The following GRM7 variants were observed in gnomAD, a reference collection of about 807,000 sequenced individuals.
GRM7 encodes metabotropic glutamate receptor 7.
A neutral mutation model predicts 84.5 loss-of-function variants in GRM7; 35 were observed. The observed-to-expected ratio is 0.41, with a 90% CI of 0.32 to 0.55. The LOEUF (loss-of-function observed/expected upper bound fraction) is 0.55. Among genes scored for constraint, GRM7 ranks in the 20% least tolerant of loss-of-function variants. GRM7 has a pLI of 0.19. For missense variants in GRM7, 1,003 were observed against 1,194.6 expected (o/e 0.84, Z 2.36); for synonymous variants, 487 against 455.1 (o/e 1.07, Z -0.89).
intron 4 of GRM7, among the ~76,000 whole-genome samples, chr3:7,409,448 G>T (rs893556462): frequency 6.6e-6 from 1 of 151,148 alleles, no homozygotes; most frequent in Non-Finnish European, 1.5e-5. Flanking sequence ...GGGGGTGGGG[G>T]GTAGCTATTT....
chr3:7,566,103 GTTTTTTTTTTTTTTT>G (rs58178956), intron 7 of GRM7, among the ~76,000 whole-genome samples: 9 of 129,984 alleles, frequency 6.9e-5, no homozygotes, highest in African/African-American at 1.8e-4. Context: ...TGAATCAGCT[GTTTTTTTTTTTTTTT>G]TTTTTTTTTT....
In GRM7 at chr3:7,461,571, T is replaced by C; in HGVS notation, c.1376-12T>C. 6.2e-7 allele frequency: 1 copy of C among 1,606,704 alleles called. No individual in the cohort carries two copies. The highest frequency in any genetic ancestry group is 8.5e-7 in the Non-Finnish European group (1 of 1,173,452). The stretch of plus-strand genomic sequence containing the variant: ...TAACTTTAGAATCTTTCATTTTTTC[T>C]GTCTTCCTTAGGTAGTGCTGGCACT... On this transcript the variant is annotated splice_polypyrimidine_tract_variant and intron_variant, in intron 6 of 9. Coordinates refer to ENST00000357716, the MANE Select transcript of GRM7 (RefSeq NM_000844.4).
chr3:7,602,794 A>C (rs921138591), intron 8 of GRM7, among the ~76,000 whole-genome samples: 1 of 152,158 alleles, frequency 6.6e-6, no homozygotes, highest in Non-Finnish European at 1.5e-5. Flanking sequence ...GAAGCTTGCA[A>C]GTTTTGTGCT....
chr3:6,979,478 A>C (rs1694116342), intron 1 of GRM7, among the ~76,000 whole-genome samples: 1 of 152,180 alleles, frequency 6.6e-6, no homozygotes, highest in Admixed American at 6.5e-5. Flanking sequence ...GACTCATGGC[A>C]ATCATAGTAA....
intron 4 of GRM7, among the ~76,000 whole-genome samples, chr3:7,316,424 C>A (rs544149342): frequency 6.6e-6 from 1 of 151,856 alleles, no homozygotes; most frequent in South Asian, 2.1e-4. Flanking sequence ...CCCCCCAAAA[C>A]AAAGAAACAA....
At chr3:7,675,158 T>C (rs1205983063) in intron 8 of GRM7, among the ~76,000 whole-genome samples, 2 of 152,246 alleles carry the variant, frequency 1.3e-5, no homozygotes, top group Non-Finnish European at 2.9e-5. Flanking sequence ...AGATGATTTC[T>C]CAAAAATGTG....
chr3:7,132,172 G>A (rs763019686), intron 1 of GRM7, among the ~76,000 whole-genome samples: 3 of 152,146 alleles, frequency 2.0e-5, no homozygotes, highest in Middle Eastern at 3.4e-3. Context: ...TATGTAGACT[G>A]GTGCCCCCCC....
intron 8 of GRM7, among the ~76,000 whole-genome samples, chr3:7,667,063 T>C (rs942046406): frequency 1.3e-5 from 2 of 151,910 alleles, no homozygotes; most frequent in Non-Finnish European, 2.9e-5. Context: ...CATCAGAGTT[T>C]GAAGTCATCT....
At chr3:7,536,557 C>T (rs1345983575) in intron 7 of GRM7, among the ~76,000 whole-genome samples, 1 of 152,184 alleles carries the variant, frequency 6.6e-6, no homozygotes, top group South Asian at 2.1e-4. Flanking sequence ...GTGCAACCAA[C>T]AGAATATGGC....
chr3:7,184,537 C>A (rs973244253), intron 2 of GRM7, among the ~76,000 whole-genome samples: 4 of 151,910 alleles, frequency 2.6e-5, no homozygotes, highest in African/African-American at 9.7e-5. Flanking sequence ...AGATATAATT[C>A]TTTTCTGTTC....
intron 1 of GRM7, among the ~76,000 whole-genome samples, chr3:6,964,450 C>T (rs141403531): frequency 0.011 from 1,705 of 152,172 alleles, 35 homozygotes; most frequent in African/African-American, 0.038. Flanking sequence ...ACAGTAAGTC[C>T]GTAACATCCC....
intron 2 of GRM7, among the ~76,000 whole-genome samples, chr3:7,174,460 T>G (rs1695080776): frequency 6.6e-6 from 1 of 152,244 alleles, no homozygotes; most frequent in Non-Finnish European, 1.5e-5. Flanking sequence ...CATCTTTAAT[T>G]GCTGTTTGTC....
intron 1 of GRM7, among the ~76,000 whole-genome samples, chr3:6,981,587 G>A (rs567121710): frequency 5.9e-5 from 9 of 152,270 alleles, no homozygotes; most frequent in East Asian, 1.9e-4. Context: ...GGCACCTTCC[G>A]CACAGGTGAA....
chr3:7,364,541 C>A (rs1011474874), intron 4 of GRM7, among the ~76,000 whole-genome samples: 3 of 151,370 alleles, frequency 2.0e-5, no homozygotes, highest in Admixed American at 2.0e-4. Context: ...TTAATATTTT[C>A]ATTTAGCTTT....
chr3:6,902,777 A>G (rs1696434269), intron 1 of GRM7, among the ~76,000 whole-genome samples: 1 of 151,994 alleles, frequency 6.6e-6, no homozygotes, highest in South Asian at 2.1e-4. Context: ...CTTGCTCAAG[A>G]GTCGTTAAGA....
At chr3:7,229,744 TATATATATATA>T (rs1697111161) in intron 2 of GRM7, among the ~76,000 whole-genome samples, 1 of 36,158 alleles carries the variant, frequency 2.8e-5, no homozygotes, top group African/African-American at 7.8e-5. Flanking sequence ...TATATATATA[TATATATATATA>T]TATATTTTTT....
At chr3:7,248,219 G>A (rs945532412) in intron 2 of GRM7, among the ~76,000 whole-genome samples, 4 of 152,122 alleles carry the variant, frequency 2.6e-5, no homozygotes, top group Non-Finnish European at 5.9e-5. Context: ...AGACTCAAAT[G>A]TTTATTAAGA....
intron 2 of GRM7, among the ~76,000 whole-genome samples, chr3:7,217,143 T>C (rs982604175): frequency 6.6e-6 from 1 of 152,132 alleles, no homozygotes; most frequent in African/African-American, 2.4e-5. Flanking sequence ...AGGAGCTAAT[T>C]TGAAAGAGGA....
intron 7 of GRM7, among the ~76,000 whole-genome samples, chr3:7,533,003 G>A (rs569425068): frequency 8.4e-4 from 127 of 152,002 alleles, no homozygotes; most frequent in African/African-American, 2.9e-3. Context: ...CATAAAGCAC[G>A]TTCTTAGAGA....
Sources: gnomAD v4.1 joint callset for allele counts (sites outside exome capture counted in the v4.1 genomes callset) on GRCh38, gnomAD v4.1.1 for gene constraint, MANE v1.5 for transcripts, NCBI Gene and HGNC (gene_info 2026-07-23, HGNC 2026-07-21) for gene names.